Variants in MLLT10 observed in about 807,000 individuals in gnomAD.
MLLT10 encodes protein AF-10.
Under a neutral mutation model 129.1 loss-of-function variants are expected in MLLT10, and 30 were observed. The observed-to-expected ratio is 0.23, with a 90% CI of 0.17 to 0.32. The LOEUF is 0.32. MLLT10 is among the 10% of genes least tolerant of loss of function. The pLI is 1.00. For synonymous variants in MLLT10, 490 were observed against 446.4 expected (o/e 1.10, Z -1.23); for missense variants, 1,119 against 1,268.3 (o/e 0.88, Z 1.79).
intron 8 of MLLT10, among the ~76,000 whole-genome samples, chr10:21,634,386 C>T (rs2047270977): frequency 1.3e-5 from 2 of 152,288 alleles, no homozygotes; most frequent in South Asian, 2.1e-4. Flanking sequence ...GGAAATACCA[C>T]GTAGATGATG....
intron 13 of MLLT10, among the ~76,000 whole-genome samples, chr10:21,690,562 G>C (rs552514270): frequency 6.6e-6 from 1 of 151,844 alleles, no homozygotes; most frequent in African/African-American, 2.4e-5. Context: ...AATATGCAAC[G>C]GTTATGCATC....
intron 14 of MLLT10, among the ~76,000 whole-genome samples, chr10:21,717,277 A>AAAG (rs1379326886): frequency 1.3e-5 from 2 of 148,928 alleles, no homozygotes; most frequent in African/African-American, 2.5e-5. Context: ...AAAAAAAAAA[A>AAAG]TTGTTCCCTG....
chr10:21,673,512 G>C lies in MLLT10; in HGVS notation c.1214G>C (p.Gly405Ala), dbSNP rs769819654. 6.8e-6 allele frequency: 11 copies of C among 1,613,564 alleles called. No individual in the cohort carries two copies. The highest frequency in any genetic ancestry group is 8.5e-6 in the Non-Finnish European group (10 of 1,179,898). Residue 405 changes from glycine to alanine, a missense_variant, in exon 11 of 23, where the codon GGA (glycine) becomes GCA (alanine). This residue lies in a region of MLLT10 where 1,004 missense variants were observed against 1,008.7 expected (regional missense o/e 1.00). Transcript: ENST00000307729. ...ATKDVHKGES[G>A]SQEGGVNSFS... The stretch of plus-strand genomic sequence containing the variant: ...AAAGATGTACATAAAGGAGAGTCTG[G>C]AAGCCAGGAAGGGGGGGTAAATAGT...
chr10:21,732,723 G>C (rs1327035795), intron 17 of MLLT10, among the ~76,000 whole-genome samples, 176 bp from the exon 18 acceptor site: 1 of 152,162 alleles, frequency 6.6e-6, no homozygotes, highest in Non-Finnish European at 1.5e-5. Context: ...TACAAACATA[G>C]ATAGGCAATT....
chr10:21,651,789 T>G (rs2049052242), intron 9 of MLLT10, 21 bp downstream of exon 9: 1 of 1,551,414 alleles, frequency 6.4e-7, no homozygotes, highest in Non-Finnish European at 8.9e-7. Flanking sequence ...AGTATCATAT[T>G]TTGTTTTATG....
intron 14 of MLLT10, among the ~76,000 whole-genome samples, chr10:21,724,288 T>G (rs1024721846): frequency 6.6e-6 from 1 of 152,252 alleles, no homozygotes; most frequent in Non-Finnish European, 1.5e-5. Flanking sequence ...AGAAACTGTT[T>G]CCGTGAACCA....
intron 3 of MLLT10, among the ~76,000 whole-genome samples, chr10:21,544,163 A>T (rs181652448): frequency 6.6e-6 from 1 of 152,298 alleles, no homozygotes; most frequent in African/African-American, 2.4e-5. Flanking sequence ...ATGTTTTATG[A>T]CAGTCTGGGA....
chr10:21,741,342 G>A (rs1453678948), intron 22 of MLLT10, among the ~76,000 whole-genome samples: 1 of 152,014 alleles, frequency 6.6e-6, no homozygotes, highest in Non-Finnish European at 1.5e-5. Context: ...CTTTTCCTAG[G>A]TTATACAATA....
chr10:21,686,383 T>C (rs2053295057), intron 13 of MLLT10, among the ~76,000 whole-genome samples: 1 of 152,146 alleles, frequency 6.6e-6, no homozygotes, highest in Admixed American at 6.5e-5. Context: ...CCTTTTTCCT[T>C]TGTTGGGACA....
chr10:21,614,273 A>G (rs2045002531), intron 6 of MLLT10, among the ~76,000 whole-genome samples: 1 of 145,516 alleles, frequency 6.9e-6, no homozygotes, highest in Non-Finnish European at 1.5e-5. Context: ...TTTCATTTTC[A>G]TTTCTTCCAT....
chr10:21,578,555 C>T (rs773525371), intron 3 of MLLT10, among the ~76,000 whole-genome samples: 14 of 152,052 alleles, frequency 9.2e-5, no homozygotes, highest in Non-Finnish European at 2.1e-4. Flanking sequence ...AAAGACTTAC[C>T]TCCTATGTTT....
intron 13 of MLLT10, among the ~76,000 whole-genome samples, chr10:21,683,796 G>C (rs776668167): frequency 6.6e-6 from 1 of 151,672 alleles, no homozygotes; most frequent in African/African-American, 2.4e-5. Context: ...GCCCAGGTTG[G>C]AGTGCAGTGG....
intron 3 of MLLT10, among the ~76,000 whole-genome samples, chr10:21,549,265 A>C (rs1183123777): frequency 6.6e-6 from 1 of 151,772 alleles, no homozygotes; most frequent in Non-Finnish European, 1.5e-5. Flanking sequence ...CTGGGATTAT[A>C]GGCATGTGCC....
chr10:21,711,582 CAAAA>C (rs529993002), intron 13 of MLLT10, among the ~76,000 whole-genome samples: 1 of 52,092 alleles, frequency 1.9e-5, no homozygotes, highest in Non-Finnish European at 3.9e-5. Flanking sequence ...ACAACCAACG[CAAAA>C]AAAAAAAAAA....
chr10:21,626,373 C>G, intron 8 of MLLT10: 1 of 642,042 alleles, frequency 1.6e-6, no homozygotes. Context: ...CGCGTGCCAC[C>G]CCCCAAGTCT....
chr10:21,578,209 A>C (rs1456088170), intron 3 of MLLT10, among the ~76,000 whole-genome samples: 7 of 152,112 alleles, frequency 4.6e-5, no homozygotes, highest in Admixed American at 1.3e-4. Context: ...GTTGATTTTT[A>C]ATCCTTAATG....
At chr10:21,548,224 G>A (rs773084458) in intron 3 of MLLT10, among the ~76,000 whole-genome samples, 2 of 152,068 alleles carry the variant, frequency 1.3e-5, no homozygotes, top group African/African-American at 4.8e-5. Context: ...TGAGGACTCA[G>A]TGTCCTTCCA....
chr10:21,733,191 A>G (rs945203161), intron 18 of MLLT10, 104 bp downstream of exon 18: 2 of 1,170,528 alleles, frequency 1.7e-6, no homozygotes, highest in Non-Finnish European at 2.4e-6. Flanking sequence ...GAAGATGTAG[A>G]AAAGGAACTA....
intron 3 of MLLT10, among the ~76,000 whole-genome samples, chr10:21,554,329 T>A (rs2037563713): frequency 6.6e-6 from 1 of 152,304 alleles, no homozygotes; most frequent in Admixed American, 6.5e-5. Context: ...CACTTAAAAA[T>A]TTTTTTGTTT....
Sources: gnomAD v4.1 joint callset for allele counts (sites outside exome capture counted in the v4.1 genomes callset) on GRCh38, gnomAD v4.1.1 for gene constraint, gnomAD v4.1.1 regional missense constraint, MANE v1.5 for transcripts, NCBI Gene and HGNC (gene_info 2026-07-23, HGNC 2026-07-21) for gene names.